The following TFR2 variants were observed in gnomAD, a reference collection of about 807,000 sequenced individuals.
TFR2 encodes transferrin receptor protein 2.
TFR2 carries 64 observed loss-of-function variants against 91.9 expected under a neutral mutation model. That is an observed-to-expected ratio of 0.70 (90% CI 0.57 to 0.86). The LOEUF is 0.86. Ranked by LOEUF, TFR2 falls within the 40% of genes least tolerant of loss-of-function variation. TFR2 has a pLI of 0.00. For synonymous variants in TFR2, 454 were observed against 459.6 expected, an observed-to-expected ratio of 0.99 and a Z score of 0.15; for missense variants, 950 against 1,080.5, an observed-to-expected ratio of 0.88 and a Z score of 1.69.
At position 100,640,999 on chromosome 7, in the gene TFR2, G is replaced by A. The variant is rs533130795; in HGVS notation, c.263C>T (p.Thr88Met). 2.8e-5 allele frequency: 45 copies of A among 1,607,038 alleles called. No individual in the cohort carries two copies. The highest frequency in any genetic ancestry group is 1.7e-4 in the Middle Eastern group (1 of 6,028). Residue 88 changes from threonine (T) to methionine (M), a missense_variant, in exon 2 of 18, where the codon ACG becomes ATG. Physicochemically the swap from Thr to Met is moderately conservative, Grantham distance 81 (BLOSUM62 -1). Transcript: ENST00000223051. The part of the protein sequence containing the change: ...GRRAAPYLVL[T>M]ALLIFTGAFL... ...ACCCCCAGTGAAGATCAGCAGGGCC[G>A]TCAGGACCAGGTAGGGGGCAGCCCT...
At chr7:100,639,017 C>T (rs1365426392) in intron 3 of TFR2, among the ~76,000 whole-genome samples, 2 of 152,062 alleles carry the variant, frequency 1.3e-5, no homozygotes, top group Non-Finnish European at 1.5e-5. Context: ...TCAAGGTTAG[C>T]GTTGAGCTCA....
intron 17 of TFR2, among the ~76,000 whole-genome samples, chr7:100,624,106 A>G (rs1317647027): frequency 1.3e-5 from 2 of 152,016 alleles, no homozygotes; most frequent in East Asian, 3.8e-4. Context: ...CTTTGCTCAC[A>G]TCACCTCTCT....
At chr7:100,639,507 T>G (rs889672100) in intron 3 of TFR2, among the ~76,000 whole-genome samples, 3 of 151,604 alleles carry the variant, frequency 2.0e-5, no homozygotes, top group Non-Finnish European at 2.9e-5. Context: ...GCTATTAAAG[T>G]CAGGAAATAG....
intron 3 of TFR2, among the ~76,000 whole-genome samples, chr7:100,634,792 T>C (rs934636007): frequency 2.6e-5 from 4 of 152,236 alleles, no homozygotes; most frequent in African/African-American, 9.6e-5. Flanking sequence ...CCTGAATGTT[T>C]TTCCACAGTC....
chr7:100,621,423 T>C (rs889846258), intron 17 of TFR2, among the ~76,000 whole-genome samples: 1 of 152,098 alleles, frequency 6.6e-6, no homozygotes, highest in African/African-American at 2.4e-5. Context: ...CCGGCTAATT[T>C]TTGTATTTTG....
chr7:100,628,379 C>A, intron 10 of TFR2, 73 bp from the exon 11 acceptor site: 1 of 1,454,964 alleles, frequency 6.9e-7, no homozygotes, highest in East Asian at 2.3e-5. Context: ...TTCTTCTGTC[C>A]TGGTCCCCCA....
chr7:100,628,209 G>C lies in TFR2; in HGVS notation c.1473+15C>G. ...CTCCCCAATGCCTAACGACCTGCCC[G>C]GGACCCCGTATCACCTCTAGCCACT... is the stretch of plus-strand genomic sequence containing the variant. On this transcript the variant is annotated intron_variant, in intron 11 of 17. Transcript: ENST00000223051. The C allele has an allele frequency of 6.9e-7, 1 of 1,455,406 alleles. No individual in the cohort carries two copies. The highest frequency in any genetic ancestry group is 9.4e-7 in the Non-Finnish European group (1 of 1,064,614). 90.2% of individuals were successfully genotyped at this position (1,455,406 alleles called of 1,614,324 possible). A position where few individuals can be genotyped will look rare whatever the true frequency, so the allele number is the denominator to read the frequency against.
chr7:100,626,592 C>T (rs890074614), intron 17 of TFR2, 171 bp downstream of exon 17: 2 of 1,436,944 alleles, frequency 1.4e-6, no homozygotes, highest in Admixed American at 2.6e-5. Context: ...GTCCTCCAGC[C>T]TGACCGATCT....
intron 3 of TFR2, among the ~76,000 whole-genome samples, chr7:100,637,889 T>A (rs990240190): frequency 5.3e-5 from 8 of 151,492 alleles, no homozygotes; most frequent in Non-Finnish European, 7.4e-5. Flanking sequence ...TGGAGTGCAA[T>A]GGCACGACGT....
In TFR2 at chr7:100,637,367, C is replaced by A. The variant is rs1263886025; in HGVS notation, c.473+3319G>T. ...TGAGCCAAGATCGTGCCATTGCTCT[C>A]CAGCCTGGGCAACAAGAGTGAAACT... On this transcript the variant is annotated intron_variant, in intron 3 of 17. Coordinates refer to ENST00000223051, the MANE Select transcript of TFR2 (RefSeq NM_003227.4). Among the ~76,000 whole-genome samples, 3 of 151,560 alleles carry A rather than the reference C, an allele frequency of 2.0e-5. No individual in the cohort carries two copies. The Admixed American group carries it at 2.0e-4, about 10-fold the overall frequency.
At position 100,620,507 on chromosome 7, in the gene TFR2, C is replaced by T. The variant is rs760480165; in HGVS notation, c.*350G>A. 1.7e-5 allele frequency: 4 copies of T among 240,344 alleles called. No homozygotes were observed. The highest frequency in any genetic ancestry group is 3.3e-5 in the Non-Finnish European group (4 of 121,600). The allele number at this position is 240,344 out of a possible 1,614,324, so 14.9% of individuals were successfully genotyped here. On this transcript the variant is annotated 3_prime_UTR_variant, in exon 18 of 18. Coordinates refer to ENST00000223051, the MANE Select transcript of TFR2 (RefSeq NM_003227.4). Reference sequence around the variant, plus strand: ...GTTGGCCATAAGGCTATGGTGCCAGCGATCTCTCCCACTAACAGAGCTGGC... The same window carrying T: ...GTTGGCCATAAGGCTATGGTGCCAGTGATCTCTCCCACTAACAGAGCTGGC...
intron 3 of TFR2, 50 bp from the exon 4 acceptor site, chr7:100,633,606 G>A (rs545572947): frequency 6.4e-7 from 1 of 1,564,444 alleles, no homozygotes; most frequent in South Asian, 1.2e-5. Context: ...GGAGAGGGAG[G>A]GAAGAGGGAA....
chr7:100,629,402 T>A, intron 9 of TFR2, 30 bp from the exon 10 acceptor site: 3 of 1,612,866 alleles, frequency 1.9e-6, no homozygotes, highest in Non-Finnish European at 2.5e-6. Context: ...GACCCACTTC[T>A]GACACTGCAC....
intron 3 of TFR2, 31 bp from the exon 4 acceptor site, chr7:100,633,587 G>C: frequency 1.3e-6 from 2 of 1,584,868 alleles, no homozygotes; most frequent in Non-Finnish European, 1.7e-6. Flanking sequence ...ACTTTTCTGG[G>C]CGCCCGGAGG....
intron 10 of TFR2, among the ~76,000 whole-genome samples, chr7:100,628,663 A>G (rs1584457347): frequency 6.6e-6 from 1 of 152,164 alleles, no homozygotes; most frequent in South Asian, 2.1e-4. Context: ...TGGCCTCCCA[A>G]AGTGCTGGGA....
chr7:100,621,215 G>T (rs1397528929), intron 17 of TFR2, 89 bp from the exon 18 acceptor site: 2 of 1,379,526 alleles, frequency 1.4e-6, no homozygotes, highest in East Asian at 5.2e-5. Flanking sequence ...CAGTCTTTTT[G>T]TTTTTTTGTT....
At chr7:100,628,596 C>G (rs1421997819) in intron 10 of TFR2, among the ~76,000 whole-genome samples, 4 of 151,846 alleles carry the variant, frequency 2.6e-5, no homozygotes, top group Admixed American at 2.0e-4. Flanking sequence ...GAGATGCAGT[C>G]TCCCTATGTT....
intron 5 of TFR2, 30 bp from the exon 6 acceptor site, chr7:100,633,153 C>A: frequency 6.2e-7 from 1 of 1,613,150 alleles, no homozygotes; most frequent in Non-Finnish European, 8.5e-7. Context: ...GAGGCGCGCT[C>A]CCCGCGTCCC....
rs371304089 is a variant in TFR2, at chr7:100,641,443, G to A, written c.33+34C>T. On this transcript the variant is annotated intron_variant, in intron 1 of 17. Transcript: ENST00000223051. ...GGGGGCTGAGGGACTTAGAGAGAAG[G>A]CCTAAGGGGTCTTCCCAATCCCACT... 6 of 1,612,848 alleles carry A rather than the reference G, an allele frequency of 3.7e-6. 1 individual carries two copies. In the South Asian group the frequency reaches 4.4e-5, roughly 12 times the overall value.
Sources: allele counts gnomAD v4.1 joint callset (sites outside exome capture counted in the v4.1 genomes callset), GRCh38; gene constraint gnomAD v4.1.1; transcripts MANE v1.5; gene names NCBI Gene and HGNC (gene_info 2026-07-23, HGNC 2026-07-21).